Variants in PAK3 observed in about 807,000 individuals in gnomAD.
PAK3 encodes the protein p21 (RAC1) activated kinase 3.
Under a neutral mutation model 41.0 loss-of-function variants are expected in PAK3, and 4 were observed. The observed-to-expected ratio is 0.10, with a 90% CI of 0.05 to 0.22. PAK3 has a LOEUF of 0.22. Among genes scored for constraint, PAK3 ranks in the 10% least tolerant of loss-of-function variants. PAK3 has a pLI of 1.00. For missense variants in PAK3, 205 were observed against 409.9 expected (o/e 0.50, Z 4.32); for synonymous variants, 146 against 139.6 (o/e 1.05, Z -0.32).
At chrX:111,152,604 A>G (rs1174834700) in intron 8 of PAK3, 157 bp downstream of exon 8, 4 of 425,130 alleles carry the variant, frequency 9.4e-6, no homozygotes, top group Non-Finnish European at 1.3e-5. Flanking sequence ...TCAGGTAAAC[A>G]GTTCAATGAG....
chrX:111,162,300 C>G (rs1004989500), intron 8 of PAK3, among the ~76,000 whole-genome samples: 2 of 111,844 alleles, frequency 1.8e-5, no homozygotes, highest in African/African-American at 6.5e-5. Context: ...TTGAAAATCT[C>G]CATTTAACTC....
intron 1 of PAK3, among the ~76,000 whole-genome samples, chrX:111,010,388 T>C (rs1465274652): frequency 9.0e-6 from 1 of 111,544 alleles, no homozygotes; most frequent in Non-Finnish European, 1.9e-5. Context: ...CGCCCATTTC[T>C]ACTCTTCATG....
At chrX:110,962,092 A>G (rs2090990683) in intron 1 of PAK3, among the ~76,000 whole-genome samples, 1 of 111,948 alleles carries the variant, frequency 8.9e-6, no homozygotes, top group Non-Finnish European at 1.9e-5. Context: ...TTTGGCTTCA[A>G]GTATCACCTA....
chrX:111,188,765 T>TCCC (rs2149305761), intron 11 of PAK3, among the ~76,000 whole-genome samples: 1 of 112,104 alleles, frequency 8.9e-6, no homozygotes, highest in South Asian at 3.7e-4. Context: ...CTTACATAGA[T>TCCC]TGTGCCATGC....
intron 10 of PAK3, among the ~76,000 whole-genome samples, chrX:111,170,879 C>T (rs1426145983): frequency 9.0e-6 from 1 of 111,147 alleles, no homozygotes; most frequent in African/African-American, 3.3e-5. Flanking sequence ...AGATAGGAGC[C>T]AGATGATGCT....
chrX:110,991,386 A>C (rs1256306696), intron 1 of PAK3, among the ~76,000 whole-genome samples: 2 of 111,700 alleles, frequency 1.8e-5, no homozygotes, highest in Non-Finnish European at 3.8e-5. Flanking sequence ...TACTGAAGTT[A>C]GGGGACAATA....
intron 1 of PAK3, among the ~76,000 whole-genome samples, chrX:111,061,827 T>A (rs1303082301): frequency 9.0e-6 from 1 of 111,149 alleles, no homozygotes; most frequent in African/African-American, 3.3e-5. Flanking sequence ...ACTTGTTTTT[T>A]TTTTAGAGAC....
chrX:111,024,718 C>T (rs1340391711), intron 1 of PAK3, among the ~76,000 whole-genome samples: 1 of 111,079 alleles, frequency 9.0e-6, no homozygotes, highest in Non-Finnish European at 1.9e-5. Flanking sequence ...TAATACTCCA[C>T]TGATGGCACT....
chrX:110,969,094 A>ATTTTTTTTTTTTTTTTTTTTTTTT (rs60724970), intron 1 of PAK3, among the ~76,000 whole-genome samples: 7 of 40,618 alleles, frequency 1.7e-4, no homozygotes, highest in African/African-American at 1.9e-4. Context: ...GACCTGCCTA[A>ATTTTTTTTTTTTTTTTTTTTTTTT]TTTTTTTTTT....
intron 4 of PAK3, among the ~76,000 whole-genome samples, chrX:111,118,696 G>A (rs954260028): frequency 7.3e-5 from 8 of 110,312 alleles, no homozygotes; most frequent in Non-Finnish European, 1.5e-4. Context: ...TTAAAAGGAT[G>A]GCAGTGTTAA....
intron 1 of PAK3, among the ~76,000 whole-genome samples, chrX:111,010,932 G>A (rs1235740652): frequency 9.0e-6 from 1 of 111,690 alleles, no homozygotes; most frequent in Non-Finnish European, 1.9e-5. Context: ...TGATATATCC[G>A]GGGCTGAATA....
chrX:111,102,035 C>T (rs139921072), intron 3 of PAK3, among the ~76,000 whole-genome samples: 4 of 112,081 alleles, frequency 3.6e-5, no homozygotes, highest in Non-Finnish European at 7.5e-5. Flanking sequence ...TCATTCTGGT[C>T]TGTAATAAAT....
chrX:111,065,325 T>TG (rs1242198188), intron 1 of PAK3, among the ~76,000 whole-genome samples: 17 of 110,746 alleles, frequency 1.5e-4, no homozygotes, highest in African/African-American at 2.6e-4. Context: ...ACGTTTTTTT[T>TG]TTTGTTTTTC....
intron 1 of PAK3, among the ~76,000 whole-genome samples, chrX:110,979,392 G>A (rs751828138): frequency 3.0e-5 from 3 of 100,137 alleles, no homozygotes; most frequent in Non-Finnish European, 5.9e-5. Flanking sequence ...TCTGCCTCTC[G>A]GGTTCATGCC....
At chrX:111,074,111 G>A (rs1461831716) in intron 1 of PAK3, among the ~76,000 whole-genome samples, 1 of 111,983 alleles carries the variant, frequency 8.9e-6, no homozygotes, top group African/African-American at 3.2e-5. Flanking sequence ...AAAACCATAT[G>A]ATCATTTCAA....
chrX:111,106,242 G>T (rs920782832), intron 4 of PAK3, among the ~76,000 whole-genome samples: 2 of 111,591 alleles, frequency 1.8e-5, no homozygotes. Flanking sequence ...ACACACGTTT[G>T]CACCAGTGCA....
intron 11 of PAK3, among the ~76,000 whole-genome samples, chrX:111,174,077 A>G (rs1449104243): frequency 9.0e-6 from 1 of 111,515 alleles, no homozygotes; most frequent in Non-Finnish European, 1.9e-5. Context: ...CCGATCAGCC[A>G]TTAGAATCTA....
intron 1 of PAK3, among the ~76,000 whole-genome samples, chrX:111,041,222 G>A (rs1006309502): frequency 4.4e-5 from 5 of 113,001 alleles, no homozygotes; most frequent in African/African-American, 1.3e-4. Context: ...TAGTGTTTGC[G>A]TAGGCACTGA....
intron 1 of PAK3, among the ~76,000 whole-genome samples, chrX:111,065,280 T>C (rs1442199395): frequency 1.8e-5 from 2 of 108,476 alleles, no homozygotes; most frequent in African/African-American, 6.6e-5. Flanking sequence ...TGTTGGATTT[T>C]ACCTAATGCT....
Sources: gnomAD v4.1 joint callset for allele counts (sites outside exome capture counted in the v4.1 genomes callset) on GRCh38, gnomAD v4.1.1 for gene constraint, MANE v1.5 for transcripts, NCBI Gene and HGNC (gene_info 2026-07-23, HGNC 2026-07-21) for gene names.